MDGA2: variants seen among roughly 807,000 people sequenced by gnomAD.
MDGA2 encodes MAM domain containing glycosylphosphatidylinositol anchor 2.
A neutral mutation model predicts 117.8 loss-of-function variants in MDGA2; 40 were observed. That is an observed-to-expected ratio of 0.34 (90% CI 0.26 to 0.44). MDGA2 has a LOEUF of 0.44. MDGA2 is among the 20% of genes least tolerant of loss of function. The probability of loss-of-function intolerance (pLI) is 1.00; values close to 1 mark genes in which losing one functional copy is unlikely to be tolerated. For missense variants in MDGA2, 1,123 were observed against 1,250.6 expected (o/e 0.90, Z 1.54); for synonymous variants, 452 against 439.0 (o/e 1.03, Z -0.37).
chr14:47,564,293 T>C (rs1331506533), intron 1 of MDGA2, among the ~76,000 whole-genome samples: 1 of 152,108 alleles, frequency 6.6e-6, no homozygotes, highest in Non-Finnish European at 1.5e-5. Flanking sequence ...TGACTGTTGA[T>C]GTATTAGTCT....
intron 1 of MDGA2, among the ~76,000 whole-genome samples, chr14:47,567,620 CA>C: frequency 6.6e-6 from 1 of 152,312 alleles, no homozygotes; most frequent in Non-Finnish European, 1.5e-5. Flanking sequence ...GGGCTGAACA[CA>C]TGCTCTTCTG....
chr14:47,458,912 T>G (rs963938538), intron 1 of MDGA2, among the ~76,000 whole-genome samples: 5 of 150,468 alleles, frequency 3.3e-5, no homozygotes, highest in African/African-American at 7.4e-5. Context: ...CAGTTCAATT[T>G]CCAGCAATGG....
chr14:47,360,899 A>G (rs943861684), intron 1 of MDGA2, among the ~76,000 whole-genome samples: 2 of 152,140 alleles, frequency 1.3e-5, no homozygotes, highest in Admixed American at 6.5e-5. Context: ...GGTTGAATGC[A>G]TAAAAACAGA....
chr14:47,340,283 C>T (rs1001541996), intron 1 of MDGA2, among the ~76,000 whole-genome samples: 9 of 151,944 alleles, frequency 5.9e-5, no homozygotes, highest in African/African-American at 2.2e-4. Flanking sequence ...AATGCATAAA[C>T]CAATTTATAA....
At chr14:47,273,234 T>C (rs1888204751) in intron 2 of MDGA2, among the ~76,000 whole-genome samples, 1 of 152,160 alleles carries the variant, frequency 6.6e-6, no homozygotes, top group South Asian at 2.1e-4. Context: ...CAACTCATAA[T>C]TGTTACTTAA....
intron 1 of MDGA2, among the ~76,000 whole-genome samples, chr14:47,662,812 C>T (rs1055633783): frequency 1.3e-5 from 2 of 152,106 alleles, no homozygotes; most frequent in African/African-American, 4.8e-5. Context: ...GTAATGATGT[C>T]ATTATGGAGT....
intron 1 of MDGA2, among the ~76,000 whole-genome samples, chr14:47,595,327 G>A (rs1046346246): frequency 1.3e-5 from 2 of 151,936 alleles, no homozygotes; most frequent in Admixed American, 1.3e-4. Flanking sequence ...CTGAGGTCAG[G>A]AGTTTGAGAT....
At chr14:47,665,487 C>A (rs1241178240) in intron 1 of MDGA2, among the ~76,000 whole-genome samples, 1 of 152,190 alleles carries the variant, frequency 6.6e-6, no homozygotes, top group Admixed American at 6.5e-5. Flanking sequence ...TCCGGGCTGG[C>A]TGAGGCTGGA....
At chr14:47,623,202 C>T (rs1172250807) in intron 1 of MDGA2, among the ~76,000 whole-genome samples, 1 of 152,146 alleles carries the variant, frequency 6.6e-6, no homozygotes, top group African/African-American at 2.4e-5. Context: ...TGCCTGTCCA[C>T]CCTTCCACCA....
At chr14:47,520,998 T>C (rs934084886) in intron 1 of MDGA2, among the ~76,000 whole-genome samples, 4 of 152,324 alleles carry the variant, frequency 2.6e-5, no homozygotes, top group Admixed American at 1.3e-4. Flanking sequence ...ATTGAAGACA[T>C]TGATATTTTG....
At chr14:47,082,958 A>G (rs530569406) in intron 6 of MDGA2, among the ~76,000 whole-genome samples, 19 of 152,204 alleles carry the variant, frequency 1.2e-4, no homozygotes, top group African/African-American at 4.3e-4. Flanking sequence ...TATGTCTACT[A>G]GTAGATTAGA....
chr14:47,126,331 T>A (rs1486008370), intron 5 of MDGA2, among the ~76,000 whole-genome samples: 3 of 151,222 alleles, frequency 2.0e-5, no homozygotes, highest in Non-Finnish European at 4.4e-5. Flanking sequence ...TCAGGGTGCA[T>A]GACAATAAAT....
chr14:46,955,909 T>G (rs1885546800), intron 9 of MDGA2, among the ~76,000 whole-genome samples: 1 of 152,148 alleles, frequency 6.6e-6, no homozygotes. Context: ...CTTTGTATAC[T>G]TCTATTCCCT....
intron 1 of MDGA2, among the ~76,000 whole-genome samples, chr14:47,597,336 CT>C (rs1293439780): frequency 1.3e-5 from 2 of 152,122 alleles, no homozygotes; most frequent in Middle Eastern, 3.4e-3. Flanking sequence ...AAAGAAATTA[CT>C]TTTTTTCTTC....
chr14:47,298,734 G>C (rs1889167638), intron 2 of MDGA2, among the ~76,000 whole-genome samples: 1 of 147,100 alleles, frequency 6.8e-6, no homozygotes, highest in East Asian at 2.0e-4. Flanking sequence ...GCCCAGGCTG[G>C]AGTGCAGTGG....
chr14:47,031,047 A>G (rs930168324), intron 8 of MDGA2, among the ~76,000 whole-genome samples: 4 of 152,148 alleles, frequency 2.6e-5, no homozygotes, highest in South Asian at 4.1e-4. Flanking sequence ...AAATTTTAAC[A>G]AGAGGCATTA....
At chr14:46,877,243 T>C (rs1242714941) in intron 12 of MDGA2, among the ~76,000 whole-genome samples, 1 of 151,610 alleles carries the variant, frequency 6.6e-6, no homozygotes, top group Admixed American at 6.6e-5. Context: ...AGCAGGTTGG[T>C]AAATGGCTCC....
chr14:46,895,296 C>T (rs1228043181), intron 10 of MDGA2, among the ~76,000 whole-genome samples: 1 of 152,136 alleles, frequency 6.6e-6, no homozygotes, highest in Non-Finnish European at 1.5e-5. Flanking sequence ...AAGGCTTTTA[C>T]CCCTTTGCTA....
chr14:47,026,553 C>T (rs548087816), intron 8 of MDGA2, among the ~76,000 whole-genome samples: 5 of 151,848 alleles, frequency 3.3e-5, no homozygotes, highest in African/African-American at 9.7e-5. Flanking sequence ...CAGGAATGTT[C>T]ATATGATATA....
Sources: gnomAD v4.1 joint callset for allele counts (sites outside exome capture counted in the v4.1 genomes callset) on GRCh38, gnomAD v4.1.1 for gene constraint, MANE v1.5 for transcripts, NCBI Gene and HGNC (gene_info 2026-07-23, HGNC 2026-07-21) for gene names.